Variants in C16orf74 observed in about 807,000 individuals in gnomAD.
The protein encoded by C16orf74 is uncharacterized protein C16orf74.
C16orf74 carries 10 observed loss-of-function variants against 6.5 expected under a neutral mutation model. The observed-to-expected ratio is 1.54, with a 90% confidence interval of 0.95 to 2.61. The LOEUF (loss-of-function observed/expected upper bound fraction) is 2.61, where lower values mean the gene tolerates loss of function less well. C16orf74 is among the 30% of genes most tolerant of loss of function. The pLI, the probability that C16orf74 is intolerant of heterozygous loss-of-function variation, is 0.00. For synonymous variants in C16orf74, 60 were observed against 42.5 expected, an observed-to-expected ratio of 1.41 and a Z score of -1.60; for missense variants, 141 against 105.9, an observed-to-expected ratio of 1.33 and a Z score of -1.45.
chr16:85,744,503 G>T (rs1007701497), intron 1 of C16orf74, among the ~76,000 whole-genome samples: 2 of 152,058 alleles, frequency 1.3e-5, no homozygotes, highest in Non-Finnish European at 1.5e-5. Flanking sequence ...GCTTGAAGAA[G>T]AACAGGTTCT....
rs540488299 is a variant in C16orf74 at position 85,744,642 on chromosome 16, A to G, written c.-19+6284T>C. ...TCAGGAGATCGAGACCATCCTGGCT[A>G]ACACGGTGAAACCCTGTCTCTACTA... On this transcript the variant is annotated intron_variant, in intron 1 of 3. Transcript: ENST00000284245. Among the ~76,000 whole-genome samples, 372 of 151,960 alleles carry G rather than the reference A, an allele frequency of 2.4e-3. 1 individual carries two copies. The highest frequency in any genetic ancestry group is 3.6e-3 in the Non-Finnish European group (247 of 67,974).
At chr16:85,725,896 G>C (rs995071799) in intron 2 of C16orf74, among the ~76,000 whole-genome samples, 16 of 152,088 alleles carry the variant, frequency 1.1e-4, no homozygotes, top group Admixed American at 2.0e-4. Flanking sequence ...CACCTGGCCT[G>C]TATTACTCTG....
intron 1 of C16orf74, among the ~76,000 whole-genome samples, chr16:85,748,354 A>G (rs1203798194): frequency 1.3e-5 from 2 of 151,752 alleles, no homozygotes; most frequent in Non-Finnish European, 2.9e-5. Flanking sequence ...AATTCCAGCA[A>G]TTTGGGAGGC....
chr16:85,707,733 C>T lies in C16orf74; in HGVS notation c.*275G>A. ...AGCCTCTCCCTGGGACCCCAACAGCCAGGACCATGGCGCTCCCTTTCACCA... is the reference window on the plus strand; with the variant it reads ...AGCCTCTCCCTGGGACCCCAACAGCTAGGACCATGGCGCTCCCTTTCACCA... On this transcript the variant is annotated 3_prime_UTR_variant, in exon 4 of 4. Transcript: ENST00000284245. The T allele has an allele frequency of 2.1e-6, 1 of 477,976 alleles. No homozygotes were observed. The highest frequency in any genetic ancestry group is 2.7e-5 in the South Asian group (1 of 37,092). The allele number at this position is 477,976 out of a possible 1,614,324, so 29.6% of individuals were successfully genotyped here.
chr16:85,733,823 C>T (rs892964038), intron 2 of C16orf74, among the ~76,000 whole-genome samples: 1 of 152,158 alleles, frequency 6.6e-6, no homozygotes, highest in Non-Finnish European at 1.5e-5. Context: ...TCCGGCATCC[C>T]ATCCCGCTTA....
At chr16:85,714,183 G>C (rs1446887398) in intron 2 of C16orf74, among the ~76,000 whole-genome samples, 1 of 152,024 alleles carries the variant, frequency 6.6e-6, no homozygotes, top group African/African-American at 2.4e-5. Flanking sequence ...GCTGGGGAGA[G>C]ACGGCCACGG....
intron 2 of C16orf74, among the ~76,000 whole-genome samples, chr16:85,721,220 A>G (rs2054079402): frequency 6.6e-6 from 1 of 150,418 alleles, no homozygotes; most frequent in Non-Finnish European, 1.5e-5. Context: ...CATGAGAACA[A>G]AAAAAAAAGC....
At chr16:85,724,238 C>T (rs1287431313) in intron 2 of C16orf74, among the ~76,000 whole-genome samples, 3 of 152,198 alleles carry the variant, frequency 2.0e-5, no homozygotes, top group Admixed American at 6.5e-5. Context: ...GGGAGACCCC[C>T]GGTGGGACCG....
At chr16:85,714,256 C>A (rs2053997349) in intron 2 of C16orf74, among the ~76,000 whole-genome samples, 1 of 151,960 alleles carries the variant, frequency 6.6e-6, no homozygotes, top group South Asian at 2.1e-4. Context: ...TGTGCACAGC[C>A]ACTCACTTCC....
intron 2 of C16orf74, among the ~76,000 whole-genome samples, chr16:85,717,659 G>C (rs1008968028): frequency 1.3e-5 from 2 of 152,182 alleles, no homozygotes; most frequent in Admixed American, 6.5e-5. Flanking sequence ...CCAGGCTCTG[G>C]GCTGAGCCTG....
chr16:85,727,949 G>A (rs778697375), intron 2 of C16orf74, among the ~76,000 whole-genome samples: 1 of 135,526 alleles, frequency 7.4e-6, no homozygotes, highest in Non-Finnish European at 1.5e-5. Flanking sequence ...GCAACAAAGC[G>A]AGACCCCTTC....
intron 1 of C16orf74, among the ~76,000 whole-genome samples, chr16:85,750,504 A>T (rs1157115003): frequency 1.3e-5 from 2 of 152,186 alleles, no homozygotes; most frequent in South Asian, 2.1e-4. Flanking sequence ...AGATTTGGAA[A>T]TACTCGATAG....
At chr16:85,746,404 G>C (rs977372547) in intron 1 of C16orf74, among the ~76,000 whole-genome samples, 2 of 152,168 alleles carry the variant, frequency 1.3e-5, no homozygotes, top group African/African-American at 4.8e-5. Flanking sequence ...AGTTATCCTT[G>C]TGTTTATCTG....
intron 1 of C16orf74, among the ~76,000 whole-genome samples, chr16:85,744,406 G>A (rs916439626): frequency 6.6e-6 from 1 of 152,010 alleles, no homozygotes; most frequent in Non-Finnish European, 1.5e-5. Flanking sequence ...CACATTTGCA[G>A]GGGTGTGAAA....
intron 2 of C16orf74, among the ~76,000 whole-genome samples, chr16:85,711,938 C>G (rs1277555961): frequency 6.6e-6 from 1 of 152,162 alleles, no homozygotes; most frequent in Non-Finnish European, 1.5e-5. Flanking sequence ...AGTCTAAGCC[C>G]TTGAGTGTGG....
intron 1 of C16orf74, among the ~76,000 whole-genome samples, chr16:85,739,252 G>C (rs934578743): frequency 2.0e-5 from 3 of 152,194 alleles, no homozygotes; most frequent in African/African-American, 7.2e-5. Context: ...GTGGCTGCTG[G>C]TAAGCCAGAC....
chr16:85,750,480 A>C (rs2054424944), intron 1 of C16orf74, among the ~76,000 whole-genome samples: 1 of 152,204 alleles, frequency 6.6e-6, no homozygotes, highest in Non-Finnish European at 1.5e-5. Flanking sequence ...TAAGTGAGGC[A>C]GTTCATAAAT....
rs560253934 is a variant in C16orf74, at chr16:85,733,087, C to T, written c.28+2103G>A. Among the ~76,000 whole-genome samples, 3 of 152,314 alleles carry T rather than the reference C, an allele frequency of 2.0e-5. No homozygotes were observed. In the South Asian group the frequency reaches 6.2e-4, roughly 32 times the overall value. ...GGAAGAAAAGTGGTCCCAGAGATACCTCCAGGGGCCTGGTTTCTCCGTCAA... is the reference window on the plus strand; with the variant it reads ...GGAAGAAAAGTGGTCCCAGAGATACTTCCAGGGGCCTGGTTTCTCCGTCAA... On this transcript the variant is annotated intron_variant, in intron 2 of 3. Transcript: ENST00000284245.
intron 1 of C16orf74, among the ~76,000 whole-genome samples, chr16:85,749,637 G>A (rs982085600): frequency 1.3e-5 from 2 of 152,206 alleles, no homozygotes; most frequent in Non-Finnish European, 2.9e-5. Flanking sequence ...GAGTTGGTCA[G>A]GGGATTAAAA....
Sources: allele counts gnomAD v4.1 joint callset (sites outside exome capture counted in the v4.1 genomes callset), GRCh38; gene constraint gnomAD v4.1.1; transcripts MANE v1.5; gene names NCBI Gene and HGNC (gene_info 2026-07-23, HGNC 2026-07-21).